The following PPP2R2B variants were observed in gnomAD, a reference collection of about 807,000 sequenced individuals.
The protein encoded by PPP2R2B is protein phosphatase 2 regulatory subunit Bbeta, also known as serine/threonine-protein phosphatase 2A 55 kDa regulatory subunit B beta isoform.
Under a neutral mutation model 46.0 loss-of-function variants are expected in PPP2R2B, and 5 were observed. The observed-to-expected ratio is 0.11, with a 90% CI of 0.06 to 0.23. The LOEUF (loss-of-function observed/expected upper bound fraction) is 0.23. PPP2R2B is among the 10% of genes least tolerant of loss of function. The pLI, the probability that PPP2R2B is intolerant of heterozygous loss-of-function variation, is 1.00. For missense variants in PPP2R2B, 367 were observed against 575.0 expected, an observed-to-expected ratio of 0.64 and a Z score of 3.70; for synonymous variants, 215 against 206.7, an observed-to-expected ratio of 1.04 and a Z score of -0.34.
At chr5:146,706,514 C>A in intron 2 of PPP2R2B, 2 of 1,185,784 alleles carry the variant, frequency 1.7e-6, no homozygotes, top group African/African-American at 1.5e-5. Flanking sequence ...GGTAGGCACG[C>A]AGCTGCCGCG....
chr5:146,622,725 C>T (rs1773789693), intron 7 of PPP2R2B, among the ~76,000 whole-genome samples: 1 of 152,186 alleles, frequency 6.6e-6, no homozygotes. Context: ...TGGAAACAAT[C>T]ACTTTCTTCT....
intron 2 of PPP2R2B, among the ~76,000 whole-genome samples, chr5:146,848,582 A>G (rs1056052717): frequency 3.3e-5 from 5 of 152,116 alleles, no homozygotes; most frequent in African/African-American, 1.2e-4. Context: ...ATAAAGTGCC[A>G]TTTCCATCCT....
intron 2 of PPP2R2B, among the ~76,000 whole-genome samples, chr5:147,070,345 C>G (rs1274047705): frequency 1.3e-5 from 2 of 152,056 alleles, no homozygotes; most frequent in Non-Finnish European, 2.9e-5. Flanking sequence ...TTTTAAAGCT[C>G]TATATAATAG....
intron 1 of PPP2R2B, among the ~76,000 whole-genome samples, chr5:146,915,669 T>C (rs146628987): frequency 2.6e-5 from 4 of 152,306 alleles, no homozygotes; most frequent in African/African-American, 9.6e-5. Context: ...GACTGACTCA[T>C]AGATTCACTG....
upstream of PPP2R2B, among the ~76,000 whole-genome samples, chr5:146,879,500 A>G (rs928228349): frequency 1.3e-5 from 2 of 152,138 alleles, no homozygotes; most frequent in African/African-American, 2.4e-5. Flanking sequence ...AACACCTTCT[A>G]TTTGCTGTCA....
At chr5:146,813,997 CCT>C (rs1353420614) in intron 2 of PPP2R2B, among the ~76,000 whole-genome samples, 1 of 152,062 alleles carries the variant, frequency 6.6e-6, no homozygotes, top group African/African-American at 2.4e-5. Context: ...ATTGCTAAAC[CCT>C]CTCACTTGAA....
chr5:147,072,577 G>A (rs929438692), intron 2 of PPP2R2B, among the ~76,000 whole-genome samples: 10 of 152,068 alleles, frequency 6.6e-5, no homozygotes, highest in African/African-American at 1.2e-4. Flanking sequence ...TTCCTCCACC[G>A]TAAAATGGGC....
chr5:146,662,310 C>A (rs553791318), intron 5 of PPP2R2B, among the ~76,000 whole-genome samples: 1 of 152,256 alleles, frequency 6.6e-6, no homozygotes, highest in South Asian at 2.1e-4. Context: ...TCATAGATAT[C>A]CATAGAATGT....
intron 8 of PPP2R2B, among the ~76,000 whole-genome samples, chr5:146,595,111 T>C (rs1306073710): frequency 6.6e-6 from 1 of 152,206 alleles, no homozygotes; most frequent in Non-Finnish European, 1.5e-5. Context: ...CTTTACTCTC[T>C]CACTTCCAAA....
At chr5:146,834,778 C>T (rs1295294039) in intron 2 of PPP2R2B, among the ~76,000 whole-genome samples, 1 of 152,088 alleles carries the variant, frequency 6.6e-6, no homozygotes, top group Non-Finnish European at 1.5e-5. Context: ...CTCTTTCCAT[C>T]CTTCCCCTTC....
intron 1 of PPP2R2B, among the ~76,000 whole-genome samples, chr5:146,985,797 T>C (rs1753401856): frequency 6.6e-6 from 1 of 152,186 alleles, no homozygotes; most frequent in Non-Finnish European, 1.5e-5. Flanking sequence ...TGTTTGCTGA[T>C]GACATAATTT....
intron 5 of PPP2R2B, among the ~76,000 whole-genome samples, chr5:146,660,749 T>C (rs1049409640): frequency 2.0e-5 from 3 of 152,220 alleles, no homozygotes; most frequent in Admixed American, 2.0e-4. Flanking sequence ...AAAACCTCTT[T>C]GAACCAAGTC....
intron 2 of PPP2R2B, among the ~76,000 whole-genome samples, chr5:146,858,760 T>A (rs1760816485): frequency 6.6e-6 from 1 of 152,130 alleles, no homozygotes. Context: ...TAAAAGTAAA[T>A]CCACTGGCTT....
intron 1 of PPP2R2B, among the ~76,000 whole-genome samples, chr5:146,935,277 T>A (rs374036807): frequency 7.9e-5 from 12 of 152,182 alleles, no homozygotes; most frequent in East Asian, 3.9e-4. Flanking sequence ...CCTTCCATCA[T>A]GTGAGGTACA....
At chr5:146,906,030 C>G (rs552958566) in intron 1 of PPP2R2B, among the ~76,000 whole-genome samples, 1 of 152,030 alleles carries the variant, frequency 6.6e-6, no homozygotes, top group South Asian at 2.1e-4. Context: ...AGGATTGAAA[C>G]AATTTGGACA....
At position 146,585,448 on chromosome 5, in the gene PPP2R2B, G is replaced by C. The variant is rs115928051; in HGVS notation, c.*4499C>G. ...AATAGTATCTGCATCTGGAGTTTTA[G>C]GGGTAAATAAGTCAATACATGTGAA... On this transcript the variant is annotated 3_prime_UTR_variant, in exon 10 of 10. Transcript: ENST00000394411. The C allele has an allele frequency of 6.6e-6, 1 of 152,170 alleles. No individual in the cohort carries two copies. Among genetic ancestry groups the C allele is most frequent in the East Asian group, 1.9e-4 (1 of 5,192 alleles). The allele number at this position is 152,170 out of a possible 1,614,324, so 9.4% of individuals were successfully genotyped here. A position where few individuals can be genotyped will look rare whatever the true frequency, so the allele number is the denominator to read the frequency against.
intron 1 of PPP2R2B, among the ~76,000 whole-genome samples, chr5:147,032,650 T>C (rs189019165): frequency 6.6e-6 from 1 of 152,324 alleles, no homozygotes; most frequent in African/African-American, 2.4e-5. Flanking sequence ...GAATATAGTC[T>C]CCATTCTCAT....
chr5:146,824,641 CT>C (rs1758460371), intron 2 of PPP2R2B, among the ~76,000 whole-genome samples: 1 of 151,798 alleles, frequency 6.6e-6, no homozygotes, highest in South Asian at 2.1e-4. Flanking sequence ...TTGAAACGGG[CT>C]TTAACAGAGA....
chr5:147,007,798 G>C (rs1244759446), intron 1 of PPP2R2B, among the ~76,000 whole-genome samples: 1 of 152,128 alleles, frequency 6.6e-6, no homozygotes, highest in Non-Finnish European at 1.5e-5. Context: ...CACTCCTGAA[G>C]TCAGCAAGAC....
Sources: gnomAD v4.1 joint callset for allele counts (sites outside exome capture counted in the v4.1 genomes callset) on GRCh38, gnomAD v4.1.1 for gene constraint, MANE v1.5 for transcripts, NCBI Gene and HGNC (gene_info 2026-07-23, HGNC 2026-07-21) for gene names.